PCDH11X: variants seen among roughly 807,000 people sequenced by gnomAD.
PCDH11X encodes the protein protocadherin-11 X-linked.
PCDH11X carries 18 observed loss-of-function variants against 53.3 expected under a neutral mutation model. The observed-to-expected ratio is 0.34, with a 90% CI of 0.23 to 0.50. The LOEUF is 0.50. PCDH11X is among the 20% of genes least tolerant of loss of function. PCDH11X has a pLI of 0.98. For missense variants in PCDH11X, 570 were observed against 1,032.4 expected (o/e 0.55, Z 6.14); for synonymous variants, 279 against 393.3 (o/e 0.71, Z 3.44).
intron 8 of PCDH11X, among the ~76,000 whole-genome samples, chrX:92,345,986 T>C (rs2069885837): frequency 9.1e-6 from 1 of 110,145 alleles, no homozygotes; most frequent in Non-Finnish European, 1.9e-5. Context: ...AGAAAATACA[T>C]AGAAATCCAA....
intron 6 of PCDH11X, among the ~76,000 whole-genome samples, chrX:91,975,359 G>A (rs1466787807): frequency 8.9e-6 from 1 of 112,055 alleles, no homozygotes; most frequent in African/African-American, 3.2e-5. Flanking sequence ...CAATGCACAT[G>A]GATCAGGAGT....
At chrX:91,860,082 C>A in intron 5 of PCDH11X, among the ~76,000 whole-genome samples, 1 of 109,090 alleles carries the variant, frequency 9.2e-6, no homozygotes, top group East Asian at 2.9e-4. Flanking sequence ...ATTGACTCTT[C>A]CTATCCATGA....
chrX:92,019,970 A>C (rs930820561), intron 6 of PCDH11X, among the ~76,000 whole-genome samples: 59 of 112,009 alleles, frequency 5.3e-4, no homozygotes, highest in Non-Finnish European at 9.6e-4. Context: ...CACATGAGGC[A>C]GGGGAGCCCC....
chrX:92,024,718 C>CAAAAAAAAAAA (rs199917287), intron 6 of PCDH11X, among the ~76,000 whole-genome samples: 375 of 54,276 alleles, frequency 6.9e-3, no homozygotes, highest in Non-Finnish European at 0.011. Flanking sequence ...CAATCCTAAG[C>CAAAAAAAAAAA]AAAAAAAAAA....
At chrX:92,161,595 G>C (rs977132067) in intron 6 of PCDH11X, among the ~76,000 whole-genome samples, 4 of 108,738 alleles carry the variant, frequency 3.7e-5, no homozygotes, top group African/African-American at 1.0e-4. Context: ...TCCTCAATTA[G>C]TCCCCCAAAT....
intron 5 of PCDH11X, among the ~76,000 whole-genome samples, chrX:91,871,834 T>C (rs185400502): frequency 1.8e-5 from 2 of 111,555 alleles, no homozygotes; most frequent in Admixed American, 9.5e-5. Context: ...GCAGTTTTTG[T>C]CTTGGGTTTG....
chrX:92,227,514 T>G (rs61438870), intron 7 of PCDH11X, among the ~76,000 whole-genome samples: 6,078 of 111,337 alleles, frequency 0.055, 257 homozygotes, highest in East Asian at 0.2. Context: ...AACTAAGAAA[T>G]TTGTGCCTTT....
At chrX:91,895,779 C>A (rs1252762243) in intron 6 of PCDH11X, among the ~76,000 whole-genome samples, 1 of 106,480 alleles carries the variant, frequency 9.4e-6, no homozygotes, top group Non-Finnish European at 1.9e-5. Context: ...TTATGTGTAT[C>A]ATATATTCAT....
chrX:92,385,016 A>G (rs1246214168), intron 8 of PCDH11X, among the ~76,000 whole-genome samples: 1 of 102,278 alleles, frequency 9.8e-6, no homozygotes, highest in African/African-American at 3.6e-5. Flanking sequence ...AAGAAGCAAG[A>G]CGGAGTTGGC....
chrX:91,907,938 C>T (rs892119700), intron 6 of PCDH11X, among the ~76,000 whole-genome samples: 1 of 111,695 alleles, frequency 9.0e-6, no homozygotes, highest in Non-Finnish European at 1.9e-5. Context: ...CCAGCTCCAT[C>T]CATGTCCCTG....
intron 6 of PCDH11X, among the ~76,000 whole-genome samples, chrX:92,089,684 G>C (rs2064017316): frequency 9.7e-6 from 1 of 103,012 alleles, no homozygotes; most frequent in Admixed American, 1.1e-4. Flanking sequence ...CACCATGCCT[G>C]GCTAATTTTT....
chrX:92,305,261 T>C lies in PCDH11X; in HGVS notation c.3144+42118T>C, dbSNP rs58656798. ...AGTTATGAGAATTACCACATATGGGTAACAAAGTTACCACAGATGGGGTAA... is the reference window on the plus strand; with the variant it reads ...AGTTATGAGAATTACCACATATGGGCAACAAAGTTACCACAGATGGGGTAA... On this transcript the variant is annotated intron_variant, in intron 8 of 10. Coordinates refer to ENST00000682573, the MANE Select transcript of PCDH11X (RefSeq NM_032968.5). Among the ~76,000 whole-genome samples the C allele has an allele frequency of 9.1e-3, 997 of 109,927 alleles. 29 individuals are homozygous for C. Among genetic ancestry groups the C allele is most frequent in the Admixed American group, 0.067 (688 of 10,252 alleles).
At chrX:92,095,006 A>G in intron 6 of PCDH11X, among the ~76,000 whole-genome samples, 1 of 111,122 alleles carries the variant, frequency 9.0e-6, no homozygotes, top group Non-Finnish European at 1.9e-5. Context: ...ATGGTAATAT[A>G]TGCATTATCA....
intron 6 of PCDH11X, among the ~76,000 whole-genome samples, chrX:92,069,835 C>G (rs1399974493): frequency 9.0e-6 from 1 of 110,825 alleles, no homozygotes; most frequent in African/African-American, 3.3e-5. Context: ...ACATGCACTA[C>G]CATGCCCATC....
At chrX:92,186,202 C>T (rs1224044555) in intron 6 of PCDH11X, among the ~76,000 whole-genome samples, 1 of 111,743 alleles carries the variant, frequency 8.9e-6, no homozygotes, top group Non-Finnish European at 1.9e-5. Flanking sequence ...CCTATCATTC[C>T]TGGAAACATG....
At chrX:92,137,969 G>C (rs1257329768) in intron 6 of PCDH11X, among the ~76,000 whole-genome samples, 2 of 104,502 alleles carry the variant, frequency 1.9e-5, no homozygotes, top group African/African-American at 7.0e-5. Context: ...ATTAAGCCTA[G>C]CATCCATTAG....
At chrX:92,421,226 G>A (rs1056614426) in intron 9 of PCDH11X, among the ~76,000 whole-genome samples, 9 of 111,947 alleles carry the variant, frequency 8.0e-5, no homozygotes, top group African/African-American at 2.9e-4. Flanking sequence ...TAAAAGCATA[G>A]TATCCAATAG....
At chrX:92,386,226 C>T (rs2071009055) in intron 8 of PCDH11X, among the ~76,000 whole-genome samples, 1 of 110,547 alleles carries the variant, frequency 9.0e-6, no homozygotes, top group Non-Finnish European at 1.9e-5. Context: ...TTTCATATAT[C>T]TTCCAATAAG....
intron 10 of PCDH11X, among the ~76,000 whole-genome samples, chrX:92,551,213 AGG>A (rs1376552529): frequency 1.8e-5 from 2 of 111,628 alleles, no homozygotes. Flanking sequence ...TCAGTGTACT[AGG>A]GTTCCCTTTT....
Sources: gnomAD v4.1 joint callset for allele counts (sites outside exome capture counted in the v4.1 genomes callset) on GRCh38, gnomAD v4.1.1 for gene constraint, MANE v1.5 for transcripts, NCBI Gene and HGNC (gene_info 2026-07-23, HGNC 2026-07-21) for gene names.